EXOC6B: variants seen among roughly 807,000 people sequenced by gnomAD.
The protein encoded by EXOC6B is exocyst complex component 6B, also known as SEC15 homolog B.
A neutral mutation model predicts 113.5 loss-of-function variants in EXOC6B; 54 were observed. That is an observed-to-expected ratio of 0.48 (90% CI 0.38 to 0.60). The LOEUF (loss-of-function observed/expected upper bound fraction) is 0.60, where lower values mean the gene tolerates loss of function less well. Among genes scored for constraint, EXOC6B ranks in the 20% least tolerant of loss-of-function variants. EXOC6B has a pLI of 0.00. For missense variants in EXOC6B, 797 were observed against 977.5 expected (o/e 0.82, Z 2.46); for synonymous variants, 357 against 339.0 (o/e 1.05, Z -0.58).
In EXOC6B at chr2:72,508,184, A is replaced by AAAAAAAAC. The variant is rs923877882; in HGVS notation, c.1167+4947_1167+4948insGTTTTTTT. Among the ~76,000 whole-genome samples the AAAAAAAAC allele has an allele frequency of 1.5e-3, 133 of 89,052 alleles. 9 individuals carry two copies. Among genetic ancestry groups the AAAAAAAAC allele is most frequent in the African/African-American group, 8.1e-3 (122 of 14,970 alleles). 58.4% of individuals were successfully genotyped at this position (89,052 alleles called of 152,430 possible). ...CCCGCAAAAAAAAAAAAAAAAAAAA[A>AAAAAAAAC]ACACCTAAAAACAGTACTTTGATGG... On this transcript the variant is annotated intron_variant, in intron 11 of 21. Transcript: ENST00000272427.
At chr2:72,651,868 T>A (rs1443151812) in intron 6 of EXOC6B, among the ~76,000 whole-genome samples, 1 of 152,134 alleles carries the variant, frequency 6.6e-6, no homozygotes, top group Non-Finnish European at 1.5e-5. Flanking sequence ...CCACCTCGGC[T>A]GGAATACCTA....
chr2:72,455,795 C>T (rs1386799781), intron 18 of EXOC6B, among the ~76,000 whole-genome samples: 1 of 151,816 alleles, frequency 6.6e-6, no homozygotes, highest in African/African-American at 2.4e-5. Context: ...TACATATATA[C>T]ATGGGTGTAT....
At position 72,817,963 on chromosome 2, in the gene EXOC6B, T is replaced by TTTG. The variant is rs143872984; in HGVS notation, c.113+7832_113+7834dup. On this transcript the variant is annotated intron_variant, in intron 1 of 21. Transcript: ENST00000272427. ...CAGCAGCCAGAACATTCCTTGTTTG[T>TTTG]TTGTTGTTGTTGTTGTCATTGTTTT... Among the ~76,000 whole-genome samples the TTTG allele has an allele frequency of 5.0e-3, 764 of 152,064 alleles. 39 individuals carry two copies. The East Asian group carries it at 0.11, about 23-fold the overall frequency.
At chr2:72,208,951 C>T (rs912246840) in intron 20 of EXOC6B, among the ~76,000 whole-genome samples, 6 of 152,014 alleles carry the variant, frequency 3.9e-5, no homozygotes, top group African/African-American at 4.8e-5. Flanking sequence ...TTGCTGGGCA[C>T]GGTGGCTCAT....
At chr2:72,489,726 T>G (rs1168550301) in intron 16 of EXOC6B, among the ~76,000 whole-genome samples, 1 of 152,162 alleles carries the variant, frequency 6.6e-6, no homozygotes, top group African/African-American at 2.4e-5. Context: ...ATAGACCTTA[T>G]GAAGCAGCCC....
At position 72,354,948 on chromosome 2, in the gene EXOC6B, T is replaced by C. The variant is rs1021173792; in HGVS notation, c.2123-19928A>G. On this transcript the variant is annotated intron_variant, in intron 19 of 21. Transcript: ENST00000272427. ...AGATCTAAGGATCCAAACTCAATCC[T>C]GCTTTTAAAAAGAACTGGTAAGGGC... is the stretch of plus-strand genomic sequence containing the variant. 1.8e-4 allele frequency among the ~76,000 whole-genome samples: 28 copies of C among 152,310 alleles called. 1 individual carries two copies. The highest frequency in any genetic ancestry group is 1.4e-3 in the Admixed American group (21 of 15,298).
At chr2:72,751,981 T>C (rs1200245937) in intron 1 of EXOC6B, among the ~76,000 whole-genome samples, 1 of 152,120 alleles carries the variant, frequency 6.6e-6, no homozygotes, top group Non-Finnish European at 1.5e-5. Flanking sequence ...ATAGCTAAAC[T>C]TTGGTAGCAT....
Position 72,274,973 on chromosome 2 carries a change from G to A in EXOC6B, c.2196+59974C>T, listed in dbSNP as rs145860835. ...AAGACAGAGGCAACAGAATGATGCA[G>A]AGTTCTTTTTTATTCAGTGTGACAA... On this transcript the variant is annotated intron_variant, in intron 20 of 21. Transcript: ENST00000272427. Among the ~76,000 whole-genome samples the A allele has an allele frequency of 3.3e-3, 504 of 152,264 alleles. 4 individuals are homozygous for A. The highest frequency in any genetic ancestry group is 5.6e-3 in the Non-Finnish European group (379 of 68,014).
intron 6 of EXOC6B, among the ~76,000 whole-genome samples, chr2:72,614,070 TA>T (rs1216812442): frequency 6.6e-6 from 1 of 152,296 alleles, no homozygotes; most frequent in South Asian, 2.1e-4. Context: ...ATATGATCTG[TA>T]AAGTCTAAAA....
intron 20 of EXOC6B, among the ~76,000 whole-genome samples, chr2:72,275,689 C>T (rs1198694265): frequency 6.6e-6 from 1 of 152,190 alleles, no homozygotes; most frequent in African/African-American, 2.4e-5. Flanking sequence ...CCTGATTTCA[C>T]CTGTTCAGGT....
Position 72,636,373 on chromosome 2 carries a change from C to CAAGG in EXOC6B, c.670-60709_670-60706dup, listed in dbSNP as rs1159127871. Among the ~76,000 whole-genome samples, 321 of 86,472 alleles carry CAAGG rather than the reference C, an allele frequency of 3.7e-3. 4 individuals are homozygous for CAAGG. Among genetic ancestry groups the CAAGG allele is most frequent in the African/African-American group, 0.016 (289 of 17,722 alleles). 56.7% of individuals were successfully genotyped at this position (86,472 alleles called of 152,430 possible). A position where few individuals can be genotyped will look rare whatever the true frequency, so the allele number is the denominator to read the frequency against. On this transcript the variant is annotated intron_variant, in intron 6 of 21. Coordinates refer to ENST00000272427, the MANE Select transcript of EXOC6B (RefSeq NM_015189.3). ...GGAAGGAAGGAAGGAAGGAAGGAAG[C>CAAGG]AAGGAAGCAAGGAAGGGAGGGAAGA...
intron 18 of EXOC6B, among the ~76,000 whole-genome samples, chr2:72,457,196 T>C (rs1357184265): frequency 6.6e-6 from 1 of 152,108 alleles, no homozygotes; most frequent in Non-Finnish European, 1.5e-5. Context: ...TTGTACTTAA[T>C]GGGAGTACTG....
chr2:72,544,904 C>G (rs1177894217), intron 8 of EXOC6B, among the ~76,000 whole-genome samples: 1 of 151,914 alleles, frequency 6.6e-6, no homozygotes, highest in Non-Finnish European at 1.5e-5. Flanking sequence ...ATTCACAAAC[C>G]CTAAGCACCT....
intron 20 of EXOC6B, among the ~76,000 whole-genome samples, chr2:72,220,024 A>G (rs114675412): frequency 6.6e-6 from 1 of 152,350 alleles, no homozygotes; most frequent in African/African-American, 2.4e-5. Context: ...AATGGGGATG[A>G]AAGTATCAAC....
chr2:72,353,666 G>A (rs931799324), intron 19 of EXOC6B, among the ~76,000 whole-genome samples: 1 of 151,866 alleles, frequency 6.6e-6, no homozygotes, highest in South Asian at 2.1e-4. Context: ...GAGCTACCAT[G>A]CCCAGGTGTA....
chr2:72,460,324 A>C (rs1219727778), intron 18 of EXOC6B, among the ~76,000 whole-genome samples: 2 of 152,092 alleles, frequency 1.3e-5, no homozygotes, highest in East Asian at 1.9e-4. Context: ...AAAACACCAA[A>C]AGCAATGGCA....
At chr2:72,197,097 T>C (rs907086784) in intron 20 of EXOC6B, among the ~76,000 whole-genome samples, 1 of 152,196 alleles carries the variant, frequency 6.6e-6, no homozygotes, top group Non-Finnish European at 1.5e-5. Flanking sequence ...GTAGCTGAGA[T>C]GTATTCAAAG....
At chr2:72,306,152 C>T (rs984178094) in intron 20 of EXOC6B, among the ~76,000 whole-genome samples, 18 of 152,110 alleles carry the variant, frequency 1.2e-4, no homozygotes, top group Non-Finnish European at 5.9e-5. Flanking sequence ...AAGAGATATT[C>T]ATAAATATCA....
chr2:72,398,727 T>TACACAC (rs60055732), intron 18 of EXOC6B, among the ~76,000 whole-genome samples: 1,711 of 138,992 alleles, frequency 0.012, 33 homozygotes, highest in African/African-American at 0.037. Flanking sequence ...TCTCTCTGTC[T>TACACAC]ACACACACAC....
Sources: gnomAD v4.1 joint callset for allele counts (sites outside exome capture counted in the v4.1 genomes callset) on GRCh38, gnomAD v4.1.1 for gene constraint, MANE v1.5 for transcripts, NCBI Gene and HGNC (gene_info 2026-07-23, HGNC 2026-07-21) for gene names.